Variants in ITGBL1 observed in about 807,000 individuals in gnomAD.
ITGBL1 encodes integrin beta-like protein 1.
Under a neutral mutation model 68.5 loss-of-function variants are expected in ITGBL1, and 51 were observed. The observed-to-expected ratio is 0.74, with a 90% CI of 0.59 to 0.94. The LOEUF (loss-of-function observed/expected upper bound fraction) is 0.94. ITGBL1 is among the 40% of genes least tolerant of loss of function. ITGBL1 has a pLI of 0.00. For missense variants in ITGBL1, 649 were observed against 647.4 expected, an observed-to-expected ratio of 1.00 and a Z score of -0.03; for synonymous variants, 209 against 227.3, an observed-to-expected ratio of 0.92 and a Z score of 0.72.
intron 4 of ITGBL1, among the ~76,000 whole-genome samples, chr13:101,575,901 T>G (rs571593015): frequency 1.3e-5 from 2 of 152,244 alleles, no homozygotes; most frequent in African/African-American, 4.8e-5. Context: ...TTCTTTGTTT[T>G]TCCCTTTCTA....
Position 101,644,902 on chromosome 13 carries a change from A to G in ITGBL1, c.1015+46603A>G, listed in dbSNP as rs141849976. Among the ~76,000 whole-genome samples the G allele has an allele frequency of 8.4e-3, 1,273 of 152,306 alleles. 11 individuals are homozygous for G. The highest frequency in any genetic ancestry group is 0.014 in the Middle Eastern group (4 of 294). On this transcript the variant is annotated intron_variant, in intron 7 of 10. Transcript: ENST00000376180. ...TAAGAACTAGATTCTTGGAGAGAAAATATTGTCAGTTTCAGATAAAAGGAT... is the reference window on the plus strand; with the variant it reads ...TAAGAACTAGATTCTTGGAGAGAAAGTATTGTCAGTTTCAGATAAAAGGAT...
intron 6 of ITGBL1, among the ~76,000 whole-genome samples, chr13:101,594,120 T>A (rs1034883436): frequency 6.6e-6 from 1 of 152,074 alleles, no homozygotes; most frequent in Admixed American, 6.6e-5. Context: ...ATACCCCAAA[T>A]AACTAAAGCA....
intron 7 of ITGBL1, among the ~76,000 whole-genome samples, chr13:101,635,721 C>A (rs2032150358): frequency 6.6e-6 from 1 of 151,930 alleles, no homozygotes. Flanking sequence ...CTAATGTAGA[C>A]CCAAACCATA....
chr13:101,486,215 A>G (rs1236000865), intron 2 of ITGBL1, among the ~76,000 whole-genome samples: 3 of 152,196 alleles, frequency 2.0e-5, no homozygotes, highest in Non-Finnish European at 2.9e-5. Flanking sequence ...GCTGGGGGCC[A>G]TTATTCTAAG....
At chr13:101,584,540 T>C (rs1232382621) in intron 6 of ITGBL1, among the ~76,000 whole-genome samples, 1 of 152,130 alleles carries the variant, frequency 6.6e-6, no homozygotes, top group Admixed American at 6.5e-5. Flanking sequence ...ATTATGAGTG[T>C]GCAACTTCAA....
chr13:101,523,522 T>G (rs1467425028), intron 2 of ITGBL1, among the ~76,000 whole-genome samples: 1 of 152,190 alleles, frequency 6.6e-6, no homozygotes, highest in Non-Finnish European at 1.5e-5. Context: ...CAGTGAACCT[T>G]CTGCTCCGGA....
At chr13:101,493,409 C>T (rs1057091091) in intron 2 of ITGBL1, among the ~76,000 whole-genome samples, 2 of 151,558 alleles carry the variant, frequency 1.3e-5, no homozygotes, top group South Asian at 2.1e-4. Flanking sequence ...ACTCTTATTA[C>T]GATTCTCAAT....
At chr13:101,671,437 G>GTTTTTTTT (rs1491455482) in intron 7 of ITGBL1, among the ~76,000 whole-genome samples, 10 of 102,798 alleles carry the variant, frequency 9.7e-5, no homozygotes, top group African/African-American at 1.4e-4. Context: ...TTTTTTTTTT[G>GTTTTTTTT]TTTTTTTTTG....
chr13:101,579,282 T>G lies in ITGBL1; in HGVS notation c.587-5T>G. 1 of 1,612,390 alleles carries G rather than the reference T, an allele frequency of 6.2e-7. No homozygotes were observed. Among genetic ancestry groups the G allele is most frequent in the Non-Finnish European group, 8.5e-7 (1 of 1,178,964 alleles). On this transcript the variant is annotated splice_region_variant and splice_polypyrimidine_tract_variant and intron_variant, in intron 4 of 10. Coordinates refer to ENST00000376180, the MANE Select transcript of ITGBL1 (RefSeq NM_004791.3). ...CTCACTGTATAAAATTCATTTTGGG[T>G]AAAGGCCATGGGAAGTGTTACTGTG...
At chr13:101,713,543 C>A (rs977652394) in intron 9 of ITGBL1, 1 of 152,104 alleles carries the variant, frequency 6.6e-6, no homozygotes, top group African/African-American at 2.4e-5. Flanking sequence ...TTATTTGTTT[C>A]TTTTTCATTG....
rs2139095397 is a variant in ITGBL1, at chr13:101,505,297, G to T, written c.316+51197G>T. Among the ~76,000 whole-genome samples the T allele has an allele frequency of 2.0e-5, 3 of 152,224 alleles. No individual in the cohort carries two copies. The South Asian group carries it at 6.2e-4, about 32-fold the overall frequency. On this transcript the variant is annotated intron_variant, in intron 2 of 10. Coordinates refer to ENST00000376180, the MANE Select transcript of ITGBL1 (RefSeq NM_004791.3). Reference sequence around the variant, plus strand: ...CTGTAGTAGAAGTGTGCATGTAAATGGAATTTTTTTAACCTATTTTATGAA... The same window carrying T: ...CTGTAGTAGAAGTGTGCATGTAAATTGAATTTTTTTAACCTATTTTATGAA...
intron 7 of ITGBL1, among the ~76,000 whole-genome samples, chr13:101,611,112 C>T (rs1193178697): frequency 6.6e-6 from 1 of 152,116 alleles, no homozygotes; most frequent in Non-Finnish European, 1.5e-5. Flanking sequence ...CTCCCTCCCA[C>T]CTAACTTCTT....
chr13:101,599,153 T>C (rs1228850801), intron 7 of ITGBL1, among the ~76,000 whole-genome samples: 4 of 151,850 alleles, frequency 2.6e-5, no homozygotes, highest in South Asian at 4.1e-4. Context: ...TGGTATCTCA[T>C]TGTGGTTTTG....
intron 3 of ITGBL1, among the ~76,000 whole-genome samples, chr13:101,570,960 G>A (rs189927493): frequency 1.3e-5 from 2 of 152,140 alleles, no homozygotes; most frequent in African/African-American, 2.4e-5. Flanking sequence ...AATTTATCTT[G>A]ACACTAGTAA....
chr13:101,664,910 T>C (rs2033177346), intron 7 of ITGBL1, among the ~76,000 whole-genome samples: 1 of 152,214 alleles, frequency 6.6e-6, no homozygotes, highest in Non-Finnish European at 1.5e-5. Flanking sequence ...ATTTTTGTAT[T>C]TTTAGTAGAG....
chr13:101,475,717 A>G (rs2048526806), intron 2 of ITGBL1, among the ~76,000 whole-genome samples: 1 of 151,072 alleles, frequency 6.6e-6, no homozygotes, highest in South Asian at 2.1e-4. Flanking sequence ...GAACTCCAAT[A>G]CATTGGAGCA....
intron 7 of ITGBL1, among the ~76,000 whole-genome samples, chr13:101,633,898 G>A (rs1481050362): frequency 6.6e-6 from 1 of 152,052 alleles, no homozygotes; most frequent in Non-Finnish European, 1.5e-5. Context: ...TCAAATCATA[G>A]GGGAGAAAAT....
chr13:101,454,643 T>C (rs1016070331), intron 2 of ITGBL1, among the ~76,000 whole-genome samples: 15 of 152,344 alleles, frequency 9.8e-5, no homozygotes, highest in African/African-American at 3.4e-4. Context: ...ATCTTAGGCC[T>C]GTATTTTATT....
intron 2 of ITGBL1, among the ~76,000 whole-genome samples, chr13:101,501,263 G>A (rs565374766): frequency 1.3e-5 from 2 of 152,262 alleles, no homozygotes; most frequent in South Asian, 2.1e-4. Context: ...GGTGGCCCAG[G>A]CTTCCAGAAT....
Sources: gnomAD v4.1 joint callset for allele counts (sites outside exome capture counted in the v4.1 genomes callset) on GRCh38, gnomAD v4.1.1 for gene constraint, MANE v1.5 for transcripts, NCBI Gene and HGNC (gene_info 2026-07-23, HGNC 2026-07-21) for gene names.